SPDYA: variants seen among roughly 807,000 people sequenced by gnomAD.
The protein encoded by SPDYA is speedy protein A.
In SPDYA, 11 loss-of-function variants were observed where a neutral mutation model predicts 36.7. That is an observed-to-expected ratio of 0.30 (90% CI 0.19 to 0.50). The LOEUF (loss-of-function observed/expected upper bound fraction) is 0.50, where lower values mean the gene tolerates loss of function less well. Ranked by LOEUF, SPDYA falls within the 20% of genes least tolerant of loss-of-function variation. The pLI, the probability that SPDYA is intolerant of heterozygous loss-of-function variation, is 0.98. For missense variants in SPDYA, 287 were observed against 370.9 expected, an observed-to-expected ratio of 0.77 and a Z score of 1.86; for synonymous variants, 115 against 118.7, an observed-to-expected ratio of 0.97 and a Z score of 0.20.
Position 28,849,920 on chromosome 2 carries a change from G to T in SPDYA, c.921G>T (p.Trp307Cys), listed in dbSNP as rs1373595753. 1.3e-6 allele frequency: 2 copies of T among 1,593,970 alleles called. No individual in the cohort carries two copies. Among genetic ancestry groups the T allele is most frequent in the African/African-American group, 2.7e-5 (2 of 73,974 alleles). The change falls in exon 8 of 8, where the codon TGG (tryptophan) becomes TGT (cysteine). Residue 307 changes from tryptophan (W) to cysteine (C), a missense_variant. Physicochemically the swap from Trp to Cys is radical, Grantham distance 215. Transcript: ENST00000334056. ...TGAAGAAAGACAAATCTATGGAGTG[G>T]TTTACAGGAAGTGAAGAATGAGATG... ...NFLKKDKSME[W>C]FTGSEE
At position 28,833,671 on chromosome 2, in the gene SPDYA, A is replaced by G. The variant is rs576612164; in HGVS notation, c.552+4352A>G. The stretch of plus-strand genomic sequence containing the variant: ...ATGACAACTGGATATCTACAAGCAA[A>G]AGAATGAAGCCGAACCTCTGGTTTA... On this transcript the variant is annotated intron_variant, in intron 6 of 7. Transcript: ENST00000334056. Among the ~76,000 whole-genome samples, 9 of 152,328 alleles carry G rather than the reference A, an allele frequency of 5.9e-5. No homozygotes were observed. The East Asian group carries it at 1.7e-3, about 29-fold the overall frequency.
intron 6 of SPDYA, among the ~76,000 whole-genome samples, chr2:28,830,655 A>C (rs1668459836): frequency 6.6e-6 from 1 of 152,200 alleles, no homozygotes; most frequent in African/African-American, 2.4e-5. Context: ...AGTATGTGAA[A>C]TTTCAGGTTC....
At position 28,834,112 on chromosome 2, in the gene SPDYA, A is replaced by G. The variant is rs189934850; in HGVS notation, c.552+4793A>G. Among the ~76,000 whole-genome samples, 672 of 152,034 alleles carry G rather than the reference A, an allele frequency of 4.4e-3. 4 individuals carry two copies. Among genetic ancestry groups the G allele is most frequent in the Non-Finnish European group, 7.2e-3 (487 of 67,944 alleles). On this transcript the variant is annotated intron_variant, in intron 6 of 7. Coordinates refer to ENST00000334056, the MANE Select transcript of SPDYA (RefSeq NM_182756.4). ...CACACACACACACACACACACACAC[A>G]CACTTGAAAAGATGTTCAACATCAT...
At chr2:28,841,069 G>A (rs1205241143) in intron 7 of SPDYA, among the ~76,000 whole-genome samples, 1 of 151,544 alleles carries the variant, frequency 6.6e-6, no homozygotes, top group Non-Finnish European at 1.5e-5. Flanking sequence ...TAAGTATCTG[G>A]GATTACAGAC....
chr2:28,850,035 C>T lies in SPDYA; in HGVS notation c.*94C>T. ...AAAATGGGATGTTTAAGCAGTTTTGCTATGTTATACATCTTTTAGTTGTTA... is the reference window on the plus strand; with the variant it reads ...AAAATGGGATGTTTAAGCAGTTTTGTTATGTTATACATCTTTTAGTTGTTA... On this transcript the variant is annotated 3_prime_UTR_variant, in exon 8 of 8. Coordinates refer to ENST00000334056, the MANE Select transcript of SPDYA (RefSeq NM_182756.4). 8.4e-7 allele frequency: 1 copy of T among 1,185,848 alleles called. No homozygotes were observed. The highest frequency in any genetic ancestry group is 2.3e-5 in the Admixed American group (1 of 43,604). The allele number at this position is 1,185,848 out of a possible 1,614,324, so 73.5% of individuals were successfully genotyped here. A position where few individuals can be genotyped will look rare whatever the true frequency, so the allele number is the denominator to read the frequency against.
intron 1 of SPDYA, among the ~76,000 whole-genome samples, chr2:28,814,316 A>G (rs180709651): frequency 2.0e-4 from 31 of 152,300 alleles, no homozygotes; most frequent in African/African-American, 6.0e-4. Context: ...AGATTTGTAT[A>G]TAAGCATATT....
intron 5 of SPDYA, among the ~76,000 whole-genome samples, chr2:28,828,609 G>T (rs985954405): frequency 6.6e-6 from 1 of 152,172 alleles, no homozygotes; most frequent in African/African-American, 2.4e-5. Flanking sequence ...TTCTGTGCAT[G>T]CCTGGTCCCC....
In SPDYA at chr2:28,850,340, G is replaced by C. The variant is rs923347509; in HGVS notation, c.*399G>C. 1.2e-6 allele frequency: 2 copies of C among 1,609,600 alleles called. No homozygotes were observed. The highest frequency in any genetic ancestry group is 2.7e-5 in the African/African-American group (2 of 74,796). On this transcript the variant is annotated 3_prime_UTR_variant, in exon 8 of 8. Transcript: ENST00000334056. Reference sequence around the variant, plus strand: ...AAACATTACTCACCTGTATGACCAGGTTGCCAGTGTACTGGTCTAGCAACA... The same window carrying C: ...AAACATTACTCACCTGTATGACCAGCTTGCCAGTGTACTGGTCTAGCAACA...
At chr2:28,823,630 GA>G (rs1192990521) in intron 5 of SPDYA, among the ~76,000 whole-genome samples, 1,037 of 59,842 alleles carry the variant, frequency 0.017, 7 homozygotes, top group Non-Finnish European at 0.024. Flanking sequence ...TCTCAGGAAA[GA>G]AAAAAAAAAA....
chr2:28,815,283 A>C (rs1043527259), intron 2 of SPDYA, among the ~76,000 whole-genome samples: 5 of 136,928 alleles, frequency 3.7e-5, no homozygotes, highest in Non-Finnish European at 7.8e-5. Context: ...CCCTGTCTGA[A>C]ACACACACAC....
chr2:28,843,692 C>G (rs1189034903), intron 7 of SPDYA, among the ~76,000 whole-genome samples: 1 of 151,930 alleles, frequency 6.6e-6, no homozygotes, highest in Non-Finnish European at 1.5e-5. Flanking sequence ...CATCCAACCC[C>G]CTAAGAAATC....
intron 1 of SPDYA, among the ~76,000 whole-genome samples, chr2:28,812,678 G>A (rs948570043): frequency 6.6e-5 from 10 of 151,804 alleles, no homozygotes; most frequent in South Asian, 4.2e-4. Flanking sequence ...CCAACATGGC[G>A]AAACCCCATC....
chr2:28,815,786 G>A (rs191714022), intron 2 of SPDYA, among the ~76,000 whole-genome samples: 96 of 152,300 alleles, frequency 6.3e-4, no homozygotes, highest in Non-Finnish European at 1.2e-3. Flanking sequence ...TATTTGGGAA[G>A]AGGATGTCCG....
Position 28,830,446 on chromosome 2 carries a change from G to A in SPDYA, c.552+1127G>A, listed in dbSNP as rs961864780. Among the ~76,000 whole-genome samples the A allele has an allele frequency of 2.6e-4, 40 of 151,982 alleles. No homozygotes were observed. In the South Asian group the frequency reaches 4.6e-3, roughly 17 times the overall value. ...TGTCAATCTCCTGACCTTGTGATCC[G>A]CCCGCCTCGGCCTCCCAAAGTGCTG... On this transcript the variant is annotated intron_variant, in intron 6 of 7. Transcript: ENST00000334056.
At chr2:28,815,588 A>T (rs1667965167) in intron 2 of SPDYA, among the ~76,000 whole-genome samples, 1 of 152,134 alleles carries the variant, frequency 6.6e-6, no homozygotes, top group Non-Finnish European at 1.5e-5. Context: ...TGTTTATAAA[A>T]AATTTGAGGT....
In SPDYA at chr2:28,811,216, C is replaced by G. The variant is rs994217909; in HGVS notation, c.-93+269C>G. The G allele has an allele frequency of 6.6e-6, 1 of 152,340 alleles. No individual in the cohort carries two copies. The highest frequency in any genetic ancestry group is 1.5e-5 in the Non-Finnish European group (1 of 68,164). 9.4% of individuals were successfully genotyped at this position (152,340 alleles called of 1,614,324 possible). On this transcript the variant is annotated intron_variant, in intron 1 of 7. Transcript: ENST00000334056. This position sits in a 1 kb window ranked among gnomAD's most constrained non-coding sequence, Gnocchi z 4.2. The stretch of plus-strand genomic sequence containing the variant: ...GTTGGGGCTTTGGCCGCCCTCCGCC[C>G]GGCGGCGTAGCGGGTGAAGGTTCCA...
At chr2:28,833,179 G>GGTAA (rs1668517385) in intron 6 of SPDYA, among the ~76,000 whole-genome samples, 1 of 151,558 alleles carries the variant, frequency 6.6e-6, no homozygotes. Context: ...TTTTTTTTTA[G>GGTAA]GTAAGTCAAA....
chr2:28,817,418 G>A (rs1055194754), intron 3 of SPDYA, among the ~76,000 whole-genome samples: 21 of 152,154 alleles, frequency 1.4e-4, no homozygotes, highest in African/African-American at 3.9e-4. Context: ...AAAATTAGCC[G>A]GGTGTGGTGG....
intron 6 of SPDYA, among the ~76,000 whole-genome samples, chr2:28,834,540 T>G (rs71443096): frequency 3.9e-5 from 6 of 152,216 alleles, no homozygotes; most frequent in Admixed American, 6.5e-5. Flanking sequence ...ACTTGGCAAT[T>G]AAAAGGAATG....
Sources: gnomAD v4.1 joint callset for allele counts (sites outside exome capture counted in the v4.1 genomes callset) on GRCh38, gnomAD v4.1.1 for gene constraint, Gnocchi (gnomAD v3.1) non-coding constraint, MANE v1.5 for transcripts, NCBI Gene and HGNC (gene_info 2026-07-23, HGNC 2026-07-21) for gene names.